PRR14L: variants seen among roughly 807,000 people sequenced by gnomAD.
PRR14L encodes protein PRR14L.
PRR14L carries 80 observed loss-of-function variants against 155.0 expected under a neutral mutation model. That is an observed-to-expected ratio of 0.52 (90% CI 0.43 to 0.62). PRR14L has a LOEUF of 0.62. PRR14L is among the 20% of genes least tolerant of loss of function. The pLI, the probability that PRR14L is intolerant of heterozygous loss-of-function variation, is 0.00. For missense variants in PRR14L, 2,469 were observed against 2,548.0 expected, an observed-to-expected ratio of 0.97 and a Z score of 0.67; for synonymous variants, 883 against 916.0, an observed-to-expected ratio of 0.96 and a Z score of 0.65.
chr22:31,707,876 G>A (rs1177285143), intron 4 of PRR14L, among the ~76,000 whole-genome samples: 2 of 152,146 alleles, frequency 1.3e-5, no homozygotes, highest in Admixed American at 6.5e-5. Flanking sequence ...AAGGCCGGGC[G>A]CGGTGGCTTA....
rs1203883485 is a variant in PRR14L, at chr22:31,712,553, C to T, written c.5286G>A (p.Trp1762Ter). ...CGTGGGACAAGAAGAAAGAAAAGGT[C>T]CACTTGGGAGGTTGAGACGGGCACT... is the stretch of plus-strand genomic sequence containing the variant. Reference protein sequence around the residue: ...ALQCPSQPPKWTFSFFLSHGC... With the variant: ...ALQCPSQPPK Residue 1762 changes from tryptophan (W) to a stop codon, truncating the protein, a stop_gained, in exon 4 of 9, where the codon TGG becomes TGA. Coordinates refer to ENST00000327423, the MANE Select transcript of PRR14L (RefSeq NM_173566.3). LOFTEE classifies it high-confidence loss of function. The T allele has an allele frequency of 6.4e-7, 1 of 1,551,710 alleles. No homozygotes were observed.
chr22:31,714,876 G>C lies in PRR14L; in HGVS notation c.2963C>G (p.Ser988Ter). The stretch of plus-strand genomic sequence containing the variant: ...GTCACTACTTAGCATCTCCTTGGCT[G>C]ACTGACCTTCACTTTTGCATTCATC... ...RPDECKSEGQ[S>*]AKEMLSSDQR... is the part of the protein sequence containing the mutation. The change falls in exon 4 of 9, where the codon TCA (serine) becomes TGA (stop). Residue 988 changes from serine (S) to a stop codon, truncating the protein, a stop_gained. Coordinates refer to ENST00000327423, the MANE Select transcript of PRR14L (RefSeq NM_173566.3). LOFTEE classifies it high-confidence loss of function. 1 of 1,551,942 alleles carries C rather than the reference G, an allele frequency of 6.4e-7. No individual in the cohort carries two copies. Among genetic ancestry groups the C allele is most frequent in the Non-Finnish European group, 8.7e-7 (1 of 1,147,048 alleles).
chr22:31,747,243 T>G (rs752433038), intron 1 of PRR14L, among the ~76,000 whole-genome samples: 2 of 151,908 alleles, frequency 1.3e-5, no homozygotes, highest in Admixed American at 1.3e-4. Flanking sequence ...TCCTAGTAGC[T>G]GGGATTACAG....
intron 3 of PRR14L, among the ~76,000 whole-genome samples, chr22:31,722,417 G>GAA (rs563612373): frequency 1.6e-4 from 13 of 82,188 alleles, no homozygotes; most frequent in Admixed American, 8.3e-4. Flanking sequence ...GTGACAGAAA[G>GAA]AAAAAAAAAA....
At position 31,704,660 on chromosome 22, in the gene PRR14L, C is replaced by CT; in HGVS notation, c.5822dup (p.Thr1942AspfsTer31). ...GCTGAGTCTCATGTGCTTACCTCGT[C>CT]TGACTGCCGCTGGTGTTATATGTAG... On this transcript the variant is annotated frameshift_variant, in exon 5 of 9. Coordinates refer to ENST00000327423, the MANE Select transcript of PRR14L (RefSeq NM_173566.3). LOFTEE classifies it high-confidence loss of function. 1 of 1,613,802 alleles carries CT rather than the reference C, an allele frequency of 6.2e-7. No individual in the cohort carries two copies. Among genetic ancestry groups the CT allele is most frequent in the Non-Finnish European group, 8.5e-7 (1 of 1,179,808 alleles).
intron 3 of PRR14L, among the ~76,000 whole-genome samples, chr22:31,721,787 T>C (rs2147868092): frequency 6.6e-6 from 1 of 152,290 alleles, no homozygotes. Context: ...CGATGTATTA[T>C]CACATATACC....
intron 1 of PRR14L, among the ~76,000 whole-genome samples, chr22:31,745,319 G>C (rs1259549842): frequency 6.6e-6 from 1 of 152,238 alleles, no homozygotes; most frequent in Non-Finnish European, 1.5e-5. Context: ...AGAGTTTGCA[G>C]TGAGCGGAGA....
chr22:31,749,999 ACCT>A lies in PRR14L; in HGVS notation c.-61_-59del, dbSNP rs2074864718. 1 of 152,618 alleles carries A rather than the reference ACCT, an allele frequency of 6.6e-6. No homozygotes were observed. The highest frequency in any genetic ancestry group is 1.5e-5 in the Non-Finnish European group (1 of 68,834). The allele number at this position is 152,618 out of a possible 1,614,324, so 9.5% of individuals were successfully genotyped here. ...TCCAGTCCCGGCCTCTTACCCTGAG[ACCT>A]CCTCCGCGGCCCGCGCTTGCCCAGC... On this transcript the variant is annotated 5_prime_UTR_variant, in exon 1 of 9. Transcript: ENST00000327423.
chr22:31,720,638 G>C (rs2074684681), intron 3 of PRR14L, among the ~76,000 whole-genome samples: 1 of 152,204 alleles, frequency 6.6e-6, no homozygotes, highest in Non-Finnish European at 1.5e-5. Flanking sequence ...GGGAAGCTGA[G>C]GCAGGACAAT....
At position 31,684,145 on chromosome 22, in the gene PRR14L, G is replaced by A. The variant is rs935902850; in HGVS notation, c.*1382C>T. 6.6e-6 allele frequency: 1 copy of A among 152,420 alleles called. No individual in the cohort carries two copies. The highest frequency in any genetic ancestry group is 2.4e-5 in the African/African-American group (1 of 41,432). The allele number at this position is 152,420 out of a possible 1,614,324, so 9.4% of individuals were successfully genotyped here. On this transcript the variant is annotated 3_prime_UTR_variant, in exon 9 of 9. Coordinates refer to ENST00000327423, the MANE Select transcript of PRR14L (RefSeq NM_173566.3). Reference sequence around the variant, plus strand: ...GACACACAGGACTTCAGTGGAAAAGGAACAAGACCTCGAGGCTGCTGACCC... The same window carrying A: ...GACACACAGGACTTCAGTGGAAAAGAAACAAGACCTCGAGGCTGCTGACCC...
rs1405648166 is a variant in PRR14L, at chr22:31,716,260, C to T, written c.1579G>A (p.Val527Ile). 6.4e-7 allele frequency: 1 copy of T among 1,551,432 alleles called. No individual in the cohort carries two copies. The highest frequency in any genetic ancestry group is 1.4e-5 in the African/African-American group (1 of 73,026). The change falls in exon 4 of 9, where the codon GTA becomes ATA. Residue 527 changes from valine (V) to isoleucine (I), a missense_variant. Coordinates refer to ENST00000327423, the MANE Select transcript of PRR14L (RefSeq NM_173566.3). Reference sequence around the variant, plus strand: ...GATTTACTTAATATATTGGGCTCTACAGGGGTTGTCTGTCCTGCCTCTTCA... The same window carrying T: ...GATTTACTTAATATATTGGGCTCTATAGGGGTTGTCTGTCCTGCCTCTTCA... Reference protein sequence around the residue: ...QIEEAGQTTPVEPNILSKSFY... With the variant: ...QIEEAGQTTPIEPNILSKSFY...
chr22:31,737,199 A>G (rs1348831882), intron 2 of PRR14L, among the ~76,000 whole-genome samples: 1 of 152,060 alleles, frequency 6.6e-6, no homozygotes, highest in African/African-American at 2.4e-5. Flanking sequence ...TGGAGGGCCC[A>G]GCAGGGTACG....
At position 31,685,411 on chromosome 22, in the gene PRR14L, G is replaced by A; in HGVS notation, c.*116C>T. On this transcript the variant is annotated 3_prime_UTR_variant, in exon 9 of 9. Coordinates refer to ENST00000327423, the MANE Select transcript of PRR14L (RefSeq NM_173566.3). ...GGACTGTGCATTTTTGAGTGGTTTG[G>A]CGGTAGGGCAAAATTAGGCAACCTT... 1.2e-6 allele frequency: 1 copy of A among 849,298 alleles called. No homozygotes were observed. The highest frequency in any genetic ancestry group is 1.8e-6 in the Non-Finnish European group (1 of 563,276). 52.6% of individuals were successfully genotyped at this position (849,298 alleles called of 1,614,324 possible). A position where few individuals can be genotyped will look rare whatever the true frequency, so the allele number is the denominator to read the frequency against.
chr22:31,707,283 G>A (rs749861623), intron 4 of PRR14L, among the ~76,000 whole-genome samples: 3 of 152,156 alleles, frequency 2.0e-5, no homozygotes, highest in Non-Finnish European at 4.4e-5. Context: ...AAGAGCTCTC[G>A]AAGACGAAAA....
At position 31,716,138 on chromosome 22, in the gene PRR14L, A is replaced by T. The variant is rs755356781; in HGVS notation, c.1701T>A (p.Phe567Leu). The T allele has an allele frequency of 2.6e-6, 4 of 1,551,036 alleles. No homozygotes were observed. The change falls in exon 4 of 9, where the codon TTT becomes TTA. Residue 567 changes from phenylalanine (F) to leucine (L), a missense_variant. Physicochemically the swap from Phe to Leu is conservative, Grantham distance 22 (BLOSUM62 0). Around this residue, in one of 2 missense-constraint regions of PRR14L, gnomAD observed 2,363 missense variants for 2,371.6 expected, o/e 1.00. Transcript: ENST00000327423. Reference protein sequence around the residue: ...LNEASCNDFLFERKSIVSLMP... With the variant: ...LNEASCNDFLLERKSIVSLMP... The stretch of plus-strand genomic sequence containing the variant: ...TTAAACTCACAATGGATTTTCTTTC[A>T]AACAGAAAATCATTACATGATGCTT...
In PRR14L at chr22:31,716,319, G is replaced by C. The variant is rs1569498992; in HGVS notation, c.1520C>G (p.Ser507Cys). The C allele has an allele frequency of 6.4e-7, 1 of 1,551,688 alleles. No homozygotes were observed. Among genetic ancestry groups the C allele is most frequent in the Admixed American group, 2.0e-5 (1 of 51,002 alleles). ...CAAGGAGGAAAAACTGCTTTCTTCA[G>C]AGTGTCCACCAGGATGGCTCATATT... ...FTNMSHPGGH[S>C]EESSFSSLMQ... Residue 507 changes from serine (S) to cysteine (C), a missense_variant, in exon 4 of 9, where the codon TCT (serine) becomes TGT (cysteine). Coordinates refer to ENST00000327423, the MANE Select transcript of PRR14L (RefSeq NM_173566.3).
chr22:31,685,949 T>C lies in PRR14L; in HGVS notation c.6180-146A>G, dbSNP rs1033972574. On this transcript the variant is annotated intron_variant, in intron 8 of 8. Coordinates refer to ENST00000327423, the MANE Select transcript of PRR14L (RefSeq NM_173566.3). ...TTGCGCCAACTCTTTTTCTTTTTTT[T>C]GTGAGACAGAATTTCACTCTTGTTG... 1.8e-5 allele frequency: 13 copies of C among 736,596 alleles called. No individual in the cohort carries two copies. The African/African-American group carries it at 2.0e-4, about 11-fold the overall frequency. The allele number at this position is 736,596 out of a possible 1,614,324, so 45.6% of individuals were successfully genotyped here.
intron 7 of PRR14L, among the ~76,000 whole-genome samples, chr22:31,691,313 G>C (rs1254365842): frequency 6.6e-6 from 1 of 151,392 alleles, no homozygotes; most frequent in Non-Finnish European, 1.5e-5. Flanking sequence ...GGCTAGCTTT[G>C]AACTCCTCAG....
rs1194718800 is a variant in PRR14L at position 31,716,288 on chromosome 22, C to T, written c.1551G>A (p.Gln517=). 54 of 1,551,526 alleles carry T rather than the reference C, an allele frequency of 3.5e-5. No individual in the cohort carries two copies. The highest frequency in any genetic ancestry group is 4.5e-5 in the Non-Finnish European group (52 of 1,146,992). The part of the protein sequence containing the change: ...SEESSFSSLM[Q]IEEAGQTTPV... ...GGGTTGTCTGTCCTGCCTCTTCAAT[C>T]TGCATCAAGGAGGAAAAACTGCTTT... The change falls in exon 4 of 9, where the codon CAG becomes CAA. Residue 517 remains glutamine, a synonymous_variant. Transcript: ENST00000327423.
Sources: gnomAD v4.1 joint callset for allele counts (sites outside exome capture counted in the v4.1 genomes callset) on GRCh38, gnomAD v4.1.1 for gene constraint, gnomAD v4.1.1 regional missense constraint, MANE v1.5 for transcripts, NCBI Gene and HGNC (gene_info 2026-07-23, HGNC 2026-07-21) for gene names.